Variants in LRRC36 observed in about 807,000 individuals in gnomAD.
LRRC36 encodes leucine-rich repeat-containing protein 36.
Under a neutral mutation model 81.1 loss-of-function variants are expected in LRRC36, and 62 were observed. That is an observed-to-expected ratio of 0.76 (90% CI 0.62 to 0.94). The LOEUF (loss-of-function observed/expected upper bound fraction) is 0.94, where lower values mean the gene tolerates loss of function less well. Among genes scored for constraint, LRRC36 ranks in the 40% least tolerant of loss-of-function variants. LRRC36 has a pLI of 0.00. For synonymous variants in LRRC36, 334 were observed against 348.6 expected (o/e 0.96, Z 0.47); for missense variants, 761 against 881.7 (o/e 0.86, Z 1.73).
intron 8 of LRRC36, among the ~76,000 whole-genome samples, chr16:67,369,604 C>A (rs2039548152): frequency 6.6e-6 from 1 of 152,164 alleles, no homozygotes; most frequent in Admixed American, 6.5e-5. Flanking sequence ...AAGACATACC[C>A]AAGACAGGGT....
At chr16:67,351,131 G>A (rs967889811) in intron 5 of LRRC36, among the ~76,000 whole-genome samples, 1 of 152,204 alleles carries the variant, frequency 6.6e-6, no homozygotes, top group Non-Finnish European at 1.5e-5. Context: ...CAGAGAAGTT[G>A]CATCCAGTGA....
At chr16:67,351,752 T>A (rs2038649827) in intron 5 of LRRC36, among the ~76,000 whole-genome samples, 1 of 152,206 alleles carries the variant, frequency 6.6e-6, no homozygotes, top group Admixed American at 6.5e-5. Flanking sequence ...GACTTTAATG[T>A]TCATTTCTTG....
intron 8 of LRRC36, among the ~76,000 whole-genome samples, chr16:67,367,821 G>A (rs926626961): frequency 1.3e-5 from 2 of 152,190 alleles, no homozygotes; most frequent in Non-Finnish European, 1.5e-5. Flanking sequence ...GGGAGGCTGA[G>A]CCGGGTGGAT....
intron 12 of LRRC36, 88 bp downstream of exon 12, chr16:67,378,800 G>A: frequency 6.9e-7 from 1 of 1,442,044 alleles, no homozygotes; most frequent in Non-Finnish European, 9.4e-7. Context: ...CATCATGCTA[G>A]CTCACGTGGC....
At chr16:67,355,722 A>C (rs1433351816) in intron 5 of LRRC36, among the ~76,000 whole-genome samples, 1 of 152,142 alleles carries the variant, frequency 6.6e-6, no homozygotes, top group African/African-American at 2.4e-5. Context: ...ATAGTTTCTC[A>C]AACTGGACTC....
At chr16:67,368,686 A>T (rs546784881) in intron 8 of LRRC36, among the ~76,000 whole-genome samples, 1 of 152,316 alleles carries the variant, frequency 6.6e-6, no homozygotes, top group African/African-American at 2.4e-5. Flanking sequence ...ATTACTGTGA[A>T]TGTTGGGCTG....
chr16:67,361,609 G>A lies in LRRC36; in HGVS notation c.578-1981G>A, dbSNP rs560743208. Among the ~76,000 whole-genome samples the A allele has an allele frequency of 5.3e-5, 8 of 152,284 alleles. 1 individual carries two copies. The highest frequency in any genetic ancestry group is 8.8e-5 in the Non-Finnish European group (6 of 68,034). On this transcript the variant is annotated intron_variant, in intron 5 of 13. Transcript: ENST00000329956. The stretch of plus-strand genomic sequence containing the variant: ...TCTTTTGGAAATGGAGTCTCACTCT[G>A]TCACCCAGGCTGGAGTGCAATGGTG...
Position 67,346,256 on chromosome 16 carries a change from G to A in LRRC36, c.199G>A (p.Gly67Arg). 1 of 1,541,216 alleles carries A rather than the reference G, an allele frequency of 6.5e-7. No individual in the cohort carries two copies. The change falls in exon 3 of 14, where the codon GGA becomes AGA. Residue 67 changes from glycine to arginine, a missense_variant and splice_region_variant. By Grantham distance (125) the Gly-to-Arg change is moderately radical. Transcript: ENST00000329956. ...TCATAATGTGGTGTTTTCCTTGTAG[G>A]GAATCCAGTATTTATGTTCACTCCA... ...LSRNLITSLK[G>R]IQYLCSLQDL...
In LRRC36 at chr16:67,354,434, C is replaced by T. The variant is rs193277985; in HGVS notation, c.577+4144C>T. 6.2e-4 allele frequency among the ~76,000 whole-genome samples: 94 copies of T among 152,072 alleles called. No individual in the cohort carries two copies. The East Asian group carries it at 0.014, about 22-fold the overall frequency. On this transcript the variant is annotated intron_variant, in intron 5 of 13. Transcript: ENST00000329956. ...CTGGGATTACAGGCGTGTACCACCA[C>T]GCCTGGTTAATATTTGTGTTTTTAG... is the stretch of plus-strand genomic sequence containing the variant.
At chr16:67,341,349 T>C (rs183018058) in intron 1 of LRRC36, among the ~76,000 whole-genome samples, 28 of 148,770 alleles carry the variant, frequency 1.9e-4, no homozygotes, top group African/African-American at 6.4e-4. Context: ...GTTTTGTACA[T>C]ATGCATTAAT....
At chr16:67,351,686 G>C (rs1378232297) in intron 5 of LRRC36, among the ~76,000 whole-genome samples, 1 of 152,160 alleles carries the variant, frequency 6.6e-6, no homozygotes, top group South Asian at 2.1e-4. Context: ...TAGCCTGAGC[G>C]ACAGAGTGAG....
intron 2 of LRRC36, among the ~76,000 whole-genome samples, chr16:67,345,031 A>C (rs998064611): frequency 3.3e-5 from 5 of 152,022 alleles, no homozygotes; most frequent in Non-Finnish European, 7.4e-5. Context: ...TATATGATTA[A>C]CCAGGCACAG....
intron 1 of LRRC36, among the ~76,000 whole-genome samples, chr16:67,331,486 C>G (rs1213599995): frequency 6.6e-6 from 1 of 152,166 alleles, no homozygotes; most frequent in African/African-American, 2.4e-5. Context: ...GATAGTGCTA[C>G]TGCCCTCCAG....
In LRRC36 at chr16:67,362,142, T is replaced by C. The variant is rs867040394; in HGVS notation, c.578-1448T>C. The stretch of plus-strand genomic sequence containing the variant: ...ATCTCACACAAAATAACATACAGAG[T>C]GTTCTAATACGTTTTGTTTTGTTTT... On this transcript the variant is annotated intron_variant, in intron 5 of 13. Transcript: ENST00000329956. The C allele has an allele frequency of 1.7e-4, 75 of 442,696 alleles. No homozygotes were observed. The Middle Eastern group carries it at 2.8e-3, about 17-fold the overall frequency. The allele number at this position is 442,696 out of a possible 1,614,324, so 27.4% of individuals were successfully genotyped here.
Position 67,350,216 on chromosome 16 carries a change from C to A in LRRC36, c.503C>A (p.Thr168Lys). The A allele has an allele frequency of 6.2e-7, 1 of 1,604,678 alleles. No homozygotes were observed. Among genetic ancestry groups the A allele is most frequent in the Non-Finnish European group, 8.5e-7 (1 of 1,175,902 alleles). ...CTATGTGGCAGCTCTAGGGAGAAGA[C>A]AATGAAAAACTGTGTAACAGGTGAG... ...LEVEKSSREK[T>K]MKNCVTGESS... The change falls in exon 5 of 14, where the codon ACA (threonine) becomes AAA (lysine). Residue 168 changes from threonine to lysine, a missense_variant. Thr to Lys is a moderately conservative substitution (Grantham distance 78, BLOSUM62 -1). Coordinates refer to ENST00000329956, the MANE Select transcript of LRRC36 (RefSeq NM_018296.6).
chr16:67,361,852 C>T (rs1173469944), intron 5 of LRRC36, among the ~76,000 whole-genome samples: 1 of 152,134 alleles, frequency 6.6e-6, no homozygotes, highest in Non-Finnish European at 1.5e-5. Flanking sequence ...TAGGTATGAG[C>T]CACCATGCCT....
rs570827273 is a variant in LRRC36, at chr16:67,371,081, A to G, written c.1333A>G (p.Thr445Ala). 6.2e-6 allele frequency: 10 copies of G among 1,614,068 alleles called. No individual in the cohort carries two copies. In the African/African-American group the frequency reaches 1.3e-4, roughly 22 times the overall value. The change falls in exon 9 of 14, where the codon ACT (threonine) becomes GCT (alanine). Residue 445 changes from threonine (T) to alanine (A), a missense_variant. This residue lies in a region of LRRC36 where 359 missense variants were observed against 388.4 expected (regional missense o/e 0.92). Coordinates refer to ENST00000329956, the MANE Select transcript of LRRC36 (RefSeq NM_018296.6). The stretch of plus-strand genomic sequence containing the variant: ...CAACGCTGTCCTGGGAAACAGGACA[A>G]CTCCTCTGCGGACACTGCTGTTGTC... ...PNNAVLGNRTTPLRTLLLSPG... is the reference protein window; with the variant it reads ...PNNAVLGNRTAPLRTLLLSPG...
chr16:67,362,989 G>A (rs559841455), intron 5 of LRRC36, among the ~76,000 whole-genome samples: 26 of 152,202 alleles, frequency 1.7e-4, no homozygotes, highest in Middle Eastern at 6.8e-3. Flanking sequence ...CACCATGATG[G>A]TCAGGCTGGT....
chr16:67,357,915 C>T (rs974786883), intron 5 of LRRC36, among the ~76,000 whole-genome samples: 3 of 152,106 alleles, frequency 2.0e-5, no homozygotes, highest in Non-Finnish European at 2.9e-5. Context: ...TCTGTTATTA[C>T]AAATAGAAAA....
Sources: allele counts gnomAD v4.1 joint callset (sites outside exome capture counted in the v4.1 genomes callset), GRCh38; gene constraint gnomAD v4.1.1; regional missense constraint gnomAD v4.1.1; transcripts MANE v1.5; gene names NCBI Gene and HGNC (gene_info 2026-07-23, HGNC 2026-07-21).